Variants in CADPS2 observed in about 807,000 individuals in gnomAD.
CADPS2 encodes calcium dependent secretion activator 2, also known as calcium-dependent secretion activator 2.
CADPS2 carries 93 observed loss-of-function variants against 172.5 expected under a neutral mutation model. The observed-to-expected ratio is 0.54, with a 90% CI of 0.46 to 0.64. The LOEUF is 0.64. Among genes scored for constraint, CADPS2 ranks in the 30% least tolerant of loss-of-function variants. The probability of loss-of-function intolerance (pLI) is 0.00; values close to 1 mark genes in which losing one functional copy is unlikely to be tolerated. For synonymous variants in CADPS2, 546 were observed against 555.2 expected, an observed-to-expected ratio of 0.98 and a Z score of 0.23; for missense variants, 1,420 against 1,565.9, an observed-to-expected ratio of 0.91 and a Z score of 1.57.
At chr7:122,606,840 GAC>G (rs981055825) in intron 6 of CADPS2, among the ~76,000 whole-genome samples, 1 of 152,070 alleles carries the variant, frequency 6.6e-6, no homozygotes, top group Non-Finnish European at 1.5e-5. Flanking sequence ...GCAGAAAGAG[GAC>G]ACACAGTCTA....
intron 9 of CADPS2, among the ~76,000 whole-genome samples, chr7:122,494,662 T>G (rs1410855926): frequency 1.3e-5 from 2 of 151,876 alleles, no homozygotes; most frequent in Non-Finnish European, 2.9e-5. Context: ...AGAATATACA[T>G]TATTTTAAAT....
chr7:122,867,437 T>A (rs1443622829), intron 1 of CADPS2, among the ~76,000 whole-genome samples: 1 of 152,080 alleles, frequency 6.6e-6, no homozygotes, highest in Non-Finnish European at 1.5e-5. Flanking sequence ...GCACACTAAC[T>A]CCACCCTGAG....
intron 1 of CADPS2, among the ~76,000 whole-genome samples, chr7:122,867,285 G>C (rs1818556751): frequency 6.6e-6 from 1 of 152,104 alleles, no homozygotes; most frequent in South Asian, 2.1e-4. Context: ...TGATAAAATA[G>C]GGGGCTCCTG....
intron 1 of CADPS2, among the ~76,000 whole-genome samples, chr7:122,829,416 T>C (rs1584721319): frequency 6.6e-6 from 1 of 152,298 alleles, no homozygotes. Flanking sequence ...AGTTCACAAA[T>C]GTGTTTTACA....
chr7:122,655,571 A>G (rs887797501), intron 3 of CADPS2, among the ~76,000 whole-genome samples: 11 of 152,044 alleles, frequency 7.2e-5, no homozygotes, highest in African/African-American at 2.7e-4. Flanking sequence ...AGACCACAGT[A>G]CAGTAAAACA....
intron 14 of CADPS2, among the ~76,000 whole-genome samples, chr7:122,452,497 G>C (rs2053253870): frequency 6.6e-6 from 1 of 152,172 alleles, no homozygotes. Flanking sequence ...CTGGATTCAA[G>C]CAATTCTCCT....
chr7:122,338,399 A>AAAACAAAC (rs534926510), intron 28 of CADPS2, among the ~76,000 whole-genome samples: 1 of 152,120 alleles, frequency 6.6e-6, no homozygotes, highest in African/African-American at 2.4e-5. Flanking sequence ...GTCTCAGAAA[A>AAAACAAAC]AAACAAACAA....
chr7:122,705,969 A>ATAACATATT lies in CADPS2; in HGVS notation c.453+30985_453+30986insAATATGTTA, dbSNP rs1554737434. Reference sequence around the variant, plus strand: ...ATAATATATAATATATATATAATATAATATAATATATAATATTATATATTA... The same window carrying ATAACATATT: ...ATAATATATAATATATATATAATATATAACATATTATATAATATATAATATTATATATTA... On this transcript the variant is annotated intron_variant, in intron 2 of 29. Coordinates refer to ENST00000449022, the MANE Select transcript of CADPS2 (RefSeq NM_017954.11). Among the ~76,000 whole-genome samples, 7 of 3,676 alleles carry ATAACATATT rather than the reference A, an allele frequency of 1.9e-3. 1 individual carries two copies. Among genetic ancestry groups the ATAACATATT allele is most frequent in the African/African-American group, 2.6e-3 (6 of 2,326 alleles). 2.4% of individuals were successfully genotyped at this position (3,676 alleles called of 152,430 possible).
At chr7:122,569,946 C>A (rs955249794) in intron 7 of CADPS2, among the ~76,000 whole-genome samples, 13 of 146,944 alleles carry the variant, frequency 8.8e-5, no homozygotes, top group South Asian at 2.2e-4. Flanking sequence ...AAAACCTAGG[C>A]AATACCATTC....
intron 8 of CADPS2, among the ~76,000 whole-genome samples, chr7:122,533,893 T>C (rs990433972): frequency 2.6e-5 from 4 of 152,174 alleles, no homozygotes; most frequent in African/African-American, 7.2e-5. Flanking sequence ...TGTTGCATGA[T>C]AGAAATCAGG....
chr7:122,813,840 T>C (rs1222609136), intron 1 of CADPS2, among the ~76,000 whole-genome samples: 1 of 152,072 alleles, frequency 6.6e-6, no homozygotes, highest in Non-Finnish European at 1.5e-5. Context: ...CTTCCCATTT[T>C]TTCAAATATC....
chr7:122,480,232 C>A (rs982047811), intron 12 of CADPS2: 2 of 416,970 alleles, frequency 4.8e-6, no homozygotes, highest in Non-Finnish European at 5.0e-6. Context: ...TTAGAGAAAT[C>A]TATAAATACA....
chr7:122,424,678 T>A (rs1353611098), intron 17 of CADPS2, among the ~76,000 whole-genome samples: 2 of 152,256 alleles, frequency 1.3e-5, no homozygotes, highest in African/African-American at 4.8e-5. Context: ...GCTTCTATTC[T>A]TACATGATTT....
chr7:122,744,168 C>G (rs1236842929), intron 1 of CADPS2, among the ~76,000 whole-genome samples: 1 of 152,190 alleles, frequency 6.6e-6, no homozygotes, highest in East Asian at 1.9e-4. Flanking sequence ...TTGCTTCTTT[C>G]TCTTTTTTCT....
At chr7:122,423,235 G>T (rs941369257) in intron 17 of CADPS2, among the ~76,000 whole-genome samples, 1 of 152,102 alleles carries the variant, frequency 6.6e-6, no homozygotes, top group African/African-American at 2.4e-5. Flanking sequence ...GCTCCAGGAG[G>T]TCAATCCTGG....
intron 1 of CADPS2, among the ~76,000 whole-genome samples, chr7:122,761,582 C>T (rs893201649): frequency 5.3e-5 from 8 of 151,926 alleles, no homozygotes; most frequent in African/African-American, 1.9e-4. Flanking sequence ...ATCAGACCAG[C>T]AGGACGACAA....
intron 2 of CADPS2, among the ~76,000 whole-genome samples, chr7:122,671,051 T>C (rs2081788973): frequency 6.6e-6 from 1 of 152,104 alleles, no homozygotes; most frequent in African/African-American, 2.4e-5. Flanking sequence ...TACTCAGGAA[T>C]TTCTTCCCCA....
intron 4 of CADPS2, among the ~76,000 whole-genome samples, chr7:122,628,597 TA>T (rs1250636908): frequency 6.6e-6 from 1 of 151,568 alleles, no homozygotes; most frequent in African/African-American, 2.4e-5. Context: ...AGTAAGTTAA[TA>T]AATTCACTAA....
At chr7:122,734,931 G>T (rs1334983521) in intron 2 of CADPS2, among the ~76,000 whole-genome samples, 1 of 152,028 alleles carries the variant, frequency 6.6e-6, no homozygotes, top group Non-Finnish European at 1.5e-5. Flanking sequence ...AAAACCCTCG[G>T]TCACCAAGTC....
Sources: gnomAD v4.1 joint callset for allele counts (sites outside exome capture counted in the v4.1 genomes callset) on GRCh38, gnomAD v4.1.1 for gene constraint, MANE v1.5 for transcripts, NCBI Gene and HGNC (gene_info 2026-07-23, HGNC 2026-07-21) for gene names.